L3MBTL1: variants seen among roughly 807,000 people sequenced by gnomAD.
The protein encoded by L3MBTL1 is lethal(3)malignant brain tumor-like protein 1.
A neutral mutation model predicts 105.3 loss-of-function variants in L3MBTL1; 75 were observed. That is an observed-to-expected ratio of 0.71 (90% CI 0.59 to 0.86). The LOEUF is 0.86. Ranked by LOEUF, L3MBTL1 falls within the 40% of genes least tolerant of loss-of-function variation. The probability of loss-of-function intolerance (pLI) is 0.00; values close to 1 mark genes in which losing one functional copy is unlikely to be tolerated. For synonymous variants in L3MBTL1, 452 were observed against 436.2 expected (o/e 1.04, Z -0.45); for missense variants, 1,069 against 1,126.4 (o/e 0.95, Z 0.73).
At chr20:43,514,369 G>A (rs1198223547) in intron 3 of L3MBTL1, 3 of 1,346,476 alleles carry the variant, frequency 2.2e-6, no homozygotes, top group South Asian at 1.5e-5. Context: ...GCTTAGAGTG[G>A]GGTACCGTGG....
rs970964391 is a variant in L3MBTL1 at position 43,538,610 on chromosome 20, C to T, written c.2174-1541C>T. 2.0e-5 allele frequency among the ~76,000 whole-genome samples: 3 copies of T among 152,136 alleles called. No homozygotes were observed. In the South Asian group the frequency reaches 6.2e-4, roughly 31 times the overall value. The stretch of plus-strand genomic sequence containing the variant: ...GAAGATCTGCCCGGAGAGGACAGGG[C>T]TTGGCTGGGCTTAGTCTTTAGGCCT... On this transcript the variant is annotated intron_variant, in intron 19 of 21. Transcript: ENST00000418998.
chr20:43,516,118 C>G lies in L3MBTL1; in HGVS notation c.803C>G (p.Pro268Arg). 3 of 1,614,020 alleles carry G rather than the reference C, an allele frequency of 1.9e-6. No individual in the cohort carries two copies. Among genetic ancestry groups the G allele is most frequent in the Non-Finnish European group, 1.7e-6 (2 of 1,179,942 alleles). ...AMEKQEEGKD[P>R]EGQPTASTPE... ...GAGAAGCAAGAAGAAGGAAAGGACC[C>G]AGAGGGACAACCCACTGCTAGCACC... The change falls in exon 7 of 22, where the codon CCA becomes CGA. Residue 268 changes from proline to arginine, a missense_variant. Physicochemically the swap from Pro to Arg is moderately radical, Grantham distance 103. Coordinates refer to ENST00000418998, the MANE Select transcript of L3MBTL1 (RefSeq NM_001377303.1).
intron 11 of L3MBTL1, chr20:43,532,480 T>C (rs1382502589): frequency 3.0e-6 from 1 of 338,282 alleles, no homozygotes; most frequent in African/African-American, 2.1e-5. Context: ...GGAAGATTTA[T>C]ACTTGGTTCA....
chr20:43,541,058 A>C lies in L3MBTL1; in HGVS notation c.2519A>C (p.His840Pro), dbSNP rs150564461. Reference protein sequence around the residue: ...EGKGILETGVHSLLCSLPTHL... With the variant: ...EGKGILETGVPSLLCSLPTHL... ...AAAGGCATCCTGGAGACAGGAGTCC[A>C]TTCACTCCTCTGCTCTCTACCCACT... The change falls in exon 22 of 22, where the codon CAT becomes CCT. Residue 840 changes from histidine to proline, a missense_variant. His to Pro is a moderately conservative substitution (Grantham distance 77). Coordinates refer to ENST00000418998, the MANE Select transcript of L3MBTL1 (RefSeq NM_001377303.1). 1.7e-5 allele frequency: 28 copies of C among 1,614,056 alleles called. No homozygotes were observed. The highest frequency in any genetic ancestry group is 2.3e-5 in the Non-Finnish European group (27 of 1,180,046).
At chr20:43,533,475 C>A in intron 13 of L3MBTL1, 57 bp downstream of exon 13, 1 of 1,465,828 alleles carries the variant, frequency 6.8e-7, no homozygotes, top group Non-Finnish European at 9.4e-7. Flanking sequence ...CTTCCCTCTC[C>A]ACTGACCCCT....
chr20:43,527,634 C>T lies in L3MBTL1; in HGVS notation c.863-1023C>T, dbSNP rs1315886560. Among the ~76,000 whole-genome samples the T allele has an allele frequency of 3.4e-5, 5 of 147,720 alleles. No individual in the cohort carries two copies. The East Asian group carries it at 5.8e-4, about 17-fold the overall frequency. On this transcript the variant is annotated intron_variant, in intron 7 of 21. Coordinates refer to ENST00000418998, the MANE Select transcript of L3MBTL1 (RefSeq NM_001377303.1). ...GGGAGGGCTGTGGAATCAGTATATC[C>T]ACTCTGGGGGTACCCATCAAGCACA...
chr20:43,535,094 A>T, intron 16 of L3MBTL1, 152 bp downstream of exon 16: 1 of 580,014 alleles, frequency 1.7e-6, no homozygotes, highest in Non-Finnish European at 3.0e-6. Flanking sequence ...CATCTGCCCC[A>T]CCCCCGGACC....
chr20:43,544,045 G>A (rs948378249), downstream of L3MBTL1, among the ~76,000 whole-genome samples: 3 of 152,172 alleles, frequency 2.0e-5, no homozygotes, highest in South Asian at 2.1e-4. Context: ...GGTAAGGGCC[G>A]TGAAAGACAC....
intron 1 of L3MBTL1, among the ~76,000 whole-genome samples, chr20:43,509,282 T>C (rs1334052965): frequency 6.6e-6 from 1 of 152,020 alleles, no homozygotes; most frequent in Admixed American, 6.6e-5. Context: ...TCGAGTGTAG[T>C]GGTGTGATCA....
Position 43,515,505 on chromosome 20 carries a change from T to G in L3MBTL1, c.777+90T>G. 2.7e-6 allele frequency: 4 copies of G among 1,480,922 alleles called. No individual in the cohort carries two copies. In the Admixed American group the frequency reaches 8.6e-5, roughly 32 times the overall value. The allele number at this position is 1,480,922 out of a possible 1,614,324, so 91.7% of individuals were successfully genotyped here. A position where few individuals can be genotyped will look rare whatever the true frequency, so the allele number is the denominator to read the frequency against. The stretch of plus-strand genomic sequence containing the variant: ...CCTCCATCAATCCAGATTATGGAGC[T>G]GGGCCAGAGAAGACACGCATAATGA... On this transcript the variant is annotated intron_variant, in intron 6 of 21. Transcript: ENST00000418998.
In L3MBTL1 at chr20:43,528,642, G is replaced by T. The variant is rs370239946; in HGVS notation, c.863-15G>T. Reference sequence around the variant, plus strand: ...GAACAGCCCAGGAGTTAGCCTGTCTGTCCCCTTTCCACAGCAACAGGTGAG... The same window carrying T: ...GAACAGCCCAGGAGTTAGCCTGTCTTTCCCCTTTCCACAGCAACAGGTGAG... On this transcript the variant is annotated splice_polypyrimidine_tract_variant and intron_variant, in intron 7 of 21. Coordinates refer to ENST00000418998, the MANE Select transcript of L3MBTL1 (RefSeq NM_001377303.1). 8.1e-5 allele frequency: 130 copies of T among 1,608,446 alleles called. 1 individual carries two copies. The African/African-American group carries it at 1.6e-3, about 20-fold the overall frequency.
At chr20:43,540,731 C>G in intron 20 of L3MBTL1, 22 bp from the exon 21 acceptor site, 1 of 1,613,462 alleles carries the variant, frequency 6.2e-7, no homozygotes, top group Non-Finnish European at 8.5e-7. Flanking sequence ...CCCTGGTCAA[C>G]ATGTCATCTT....
intron 19 of L3MBTL1, 114 bp from the exon 20 acceptor site, chr20:43,540,037 C>T: frequency 8.1e-7 from 1 of 1,228,774 alleles, no homozygotes; most frequent in South Asian, 1.3e-5. Context: ...CAGAAGGGGC[C>T]CGGAGTCCTG....
rs2018231436 is a variant in L3MBTL1, at chr20:43,514,196, T to A, written c.360+135T>A. 3 of 846,642 alleles carry A rather than the reference T, an allele frequency of 3.5e-6. No individual in the cohort carries two copies. In the Admixed American group the frequency reaches 7.8e-5, roughly 22 times the overall value. The allele number at this position is 846,642 out of a possible 1,614,324, so 52.4% of individuals were successfully genotyped here. A position where few individuals can be genotyped will look rare whatever the true frequency, so the allele number is the denominator to read the frequency against. ...ATGGGCCCTAGGGGTGGGCTTTGAG[T>A]GAGGGACTCTCGGGGCGTGGCTTGA... On this transcript the variant is annotated intron_variant, in intron 3 of 21. Coordinates refer to ENST00000418998, the MANE Select transcript of L3MBTL1 (RefSeq NM_001377303.1).
intron 1 of L3MBTL1, among the ~76,000 whole-genome samples, chr20:43,508,548 G>A (rs555084380): frequency 2.2e-4 from 34 of 152,380 alleles, no homozygotes; most frequent in African/African-American, 7.2e-4. Flanking sequence ...ACAAGGCCTT[G>A]GAAGGCAAGG....
chr20:43,515,481 C>G, intron 6 of L3MBTL1, 66 bp downstream of exon 6: 1 of 1,514,304 alleles, frequency 6.6e-7, no homozygotes, highest in Non-Finnish European at 8.9e-7. Context: ...CCACTGTCCC[C>G]TCCATCAATC....
chr20:43,547,611 C>T (rs552759877), intron 18 of L3MBTL1, among the ~76,000 whole-genome samples: 1 of 152,112 alleles, frequency 6.6e-6, no homozygotes, highest in Admixed American at 6.5e-5. Context: ...CCCTGCCCCC[C>T]TCTGCTTTTG....
chr20:43,540,414 C>T (rs1600964711), intron 20 of L3MBTL1, 106 bp downstream of exon 20: 2 of 1,279,222 alleles, frequency 1.6e-6, no homozygotes, highest in Admixed American at 1.9e-5. Context: ...CCACTCCTGG[C>T]ACTACCTCTT....
Position 43,528,645 on chromosome 20 carries a change from C to A in L3MBTL1, c.863-12C>A. ...CAGCCCAGGAGTTAGCCTGTCTGTC[C>A]CCTTTCCACAGCAACAGGTGAGAAG... On this transcript the variant is annotated splice_polypyrimidine_tract_variant and intron_variant, in intron 7 of 21. Transcript: ENST00000418998. 3 of 1,610,938 alleles carry A rather than the reference C, an allele frequency of 1.9e-6. No individual in the cohort carries two copies. The highest frequency in any genetic ancestry group is 2.5e-6 in the Non-Finnish European group (3 of 1,177,110).
Sources: allele counts gnomAD v4.1 joint callset (sites outside exome capture counted in the v4.1 genomes callset), GRCh38; gene constraint gnomAD v4.1.1; transcripts MANE v1.5; gene names NCBI Gene and HGNC (gene_info 2026-07-23, HGNC 2026-07-21).